The following PRICKLE1 variants were observed in gnomAD, a reference collection of about 807,000 sequenced individuals.
PRICKLE1 encodes the protein prickle-like protein 1.
PRICKLE1 carries 14 observed loss-of-function variants against 70.2 expected under a neutral mutation model. That is an observed-to-expected ratio of 0.20 (90% CI 0.13 to 0.31). The LOEUF is 0.31. Among genes scored for constraint, PRICKLE1 ranks in the 10% least tolerant of loss-of-function variants. PRICKLE1 has a pLI of 1.00. For missense variants in PRICKLE1, 821 were observed against 1,026.2 expected (o/e 0.80, Z 2.73); for synonymous variants, 357 against 379.9 (o/e 0.94, Z 0.70).
At chr12:42,461,790 T>C (rs1159670394) in intron 7 of PRICKLE1, among the ~76,000 whole-genome samples, 1 of 152,228 alleles carries the variant, frequency 6.6e-6, no homozygotes, top group Non-Finnish European at 1.5e-5. Flanking sequence ...AACTGGAGAC[T>C]ACATAACTTC....
chr12:42,567,590 G>C (rs1940640974), intron 1 of PRICKLE1, among the ~76,000 whole-genome samples: 2 of 152,192 alleles, frequency 1.3e-5, no homozygotes, highest in African/African-American at 2.4e-5. Flanking sequence ...CACTCTGGGA[G>C]GCTGAGGCAG....
intron 1 of PRICKLE1, among the ~76,000 whole-genome samples, chr12:42,554,441 T>G (rs1274020269): frequency 6.6e-6 from 1 of 152,196 alleles, no homozygotes. Flanking sequence ...TGGAGAAAAA[T>G]TCTATTTCCA....
At chr12:42,548,092 C>T (rs1215877263) in intron 1 of PRICKLE1, among the ~76,000 whole-genome samples, 1 of 152,056 alleles carries the variant, frequency 6.6e-6, no homozygotes, top group Non-Finnish European at 1.5e-5. Flanking sequence ...CACTATGTTG[C>T]TCACACTGGC....
intron 1 of PRICKLE1, among the ~76,000 whole-genome samples, chr12:42,535,635 G>A (rs1940005092): frequency 6.6e-6 from 1 of 152,148 alleles, no homozygotes. Context: ...AAATGCAGGT[G>A]CAAGCTGGAT....
At chr12:42,574,565 T>C (rs1382453795) in intron 1 of PRICKLE1, among the ~76,000 whole-genome samples, 1 of 152,236 alleles carries the variant, frequency 6.6e-6, no homozygotes. Flanking sequence ...ACATTCTGAT[T>C]GCTCAGTGAA....
chr12:42,503,218 AT>A (rs1197180136), intron 1 of PRICKLE1, among the ~76,000 whole-genome samples: 1 of 152,224 alleles, frequency 6.6e-6, no homozygotes, highest in South Asian at 2.1e-4. Context: ...TTAACAATCT[AT>A]ATCTGGGCTC....
At chr12:42,549,448 G>A (rs562362359) in intron 1 of PRICKLE1, among the ~76,000 whole-genome samples, 1 of 152,176 alleles carries the variant, frequency 6.6e-6, no homozygotes, top group African/African-American at 2.4e-5. Flanking sequence ...TCTCAGGTTA[G>A]GGTTTACTAT....
intron 1 of PRICKLE1, among the ~76,000 whole-genome samples, chr12:42,476,228 G>A (rs1424534514): frequency 6.6e-6 from 1 of 151,062 alleles, no homozygotes; most frequent in African/African-American, 2.4e-5. Flanking sequence ...TGTTACCCAG[G>A]CTGGAATGCA....
rs1382702850 is a variant in PRICKLE1, at chr12:42,527,941, A to C, written c.-48-55377T>G. On this transcript the variant is annotated intron_variant, in intron 1 of 7. Transcript: ENST00000345127. ...AATATATATATATATATATATATAT[A>C]TATATATATATATATATATATATAT... Among the ~76,000 whole-genome samples, 168 of 41,326 alleles carry C rather than the reference A, an allele frequency of 4.1e-3. 9 individuals are homozygous for C. The highest frequency in any genetic ancestry group is 0.02 in the Admixed American group (58 of 2,872). The allele number at this position is 41,326 out of a possible 152,430, so 27.1% of individuals were successfully genotyped here.
At chr12:42,479,773 T>C (rs990342783) in intron 1 of PRICKLE1, among the ~76,000 whole-genome samples, 2 of 152,028 alleles carry the variant, frequency 1.3e-5, no homozygotes, top group Non-Finnish European at 2.9e-5. Context: ...CTGATCAACA[T>C]GGTGAAACCC....
intron 1 of PRICKLE1, among the ~76,000 whole-genome samples, chr12:42,520,636 C>T (rs1408323125): frequency 6.6e-6 from 1 of 152,200 alleles, no homozygotes; most frequent in Admixed American, 6.5e-5. Context: ...GTGTTATCTA[C>T]ATTAACCCCC....
intron 1 of PRICKLE1, among the ~76,000 whole-genome samples, chr12:42,501,516 AAAAAAAAAAAAAAAG>A (rs1264561912): frequency 7.4e-6 from 1 of 134,498 alleles, no homozygotes; most frequent in Non-Finnish European, 1.5e-5. Context: ...CTCAAAAAAA[AAAAAAAAAAAAAAAG>A]AAAAGAAAAG....
chr12:42,542,500 AC>A (rs1319925845), intron 1 of PRICKLE1, among the ~76,000 whole-genome samples: 2 of 152,080 alleles, frequency 1.3e-5, no homozygotes, highest in East Asian at 3.9e-4. Context: ...AAAATACAAA[AC>A]TTGGCTGAGT....
At chr12:42,483,793 C>A (rs1938901354) in intron 1 of PRICKLE1, 1 of 151,528 alleles carries the variant, frequency 6.6e-6, no homozygotes, top group South Asian at 2.1e-4. Context: ...AGGCATCCCA[C>A]AAAAGGTCCT....
At chr12:42,553,430 C>G (rs1473588828) in intron 1 of PRICKLE1, among the ~76,000 whole-genome samples, 2 of 129,954 alleles carry the variant, frequency 1.5e-5, no homozygotes, top group African/African-American at 3.0e-5. Flanking sequence ...GGCAACAGAG[C>G]GAGACTCCGT....
At chr12:42,547,935 C>T (rs1014751818) in intron 1 of PRICKLE1, among the ~76,000 whole-genome samples, 2 of 152,080 alleles carry the variant, frequency 1.3e-5, no homozygotes, top group African/African-American at 2.4e-5. Context: ...ACCCAAGTCT[C>T]AACATGAAAT....
intron 1 of PRICKLE1, among the ~76,000 whole-genome samples, chr12:42,535,240 A>C (rs1290001282): frequency 1.3e-5 from 2 of 152,234 alleles, no homozygotes; most frequent in African/African-American, 4.8e-5. Flanking sequence ...TTGCCTGACA[A>C]TGAAGCCAGC....
chr12:42,500,017 C>T (rs567471797), intron 1 of PRICKLE1, among the ~76,000 whole-genome samples: 4 of 152,304 alleles, frequency 2.6e-5, no homozygotes, highest in Admixed American at 2.0e-4. Flanking sequence ...TCCCAAAGGG[C>T]TGGGATTACA....
At chr12:42,533,884 C>T (rs1939970100) in intron 1 of PRICKLE1, among the ~76,000 whole-genome samples, 1 of 152,128 alleles carries the variant, frequency 6.6e-6, no homozygotes, top group South Asian at 2.1e-4. Context: ...CCCCTAACGA[C>T]AAAACTAGCC....
Sources: allele counts gnomAD v4.1 joint callset (sites outside exome capture counted in the v4.1 genomes callset), GRCh38; gene constraint gnomAD v4.1.1; transcripts MANE v1.5; gene names NCBI Gene and HGNC (gene_info 2026-07-23, HGNC 2026-07-21).